Variants in UNC79 observed in about 807,000 individuals in gnomAD.
UNC79 encodes protein unc-79 homolog.
UNC79 carries 37 observed loss-of-function variants against 283.1 expected under a neutral mutation model. The observed-to-expected ratio is 0.13, with a 90% CI of 0.10 to 0.17. The LOEUF is 0.17. Among genes scored for constraint, UNC79 ranks in the 10% least tolerant of loss-of-function variants. The pLI, the probability that UNC79 is intolerant of heterozygous loss-of-function variation, is 1.00. For missense variants in UNC79, 2,272 were observed against 3,211.1 expected (o/e 0.71, Z 7.07); for synonymous variants, 1,107 against 1,200.2 (o/e 0.92, Z 1.61).
intron 22 of UNC79, among the ~76,000 whole-genome samples, chr14:93,590,514 C>T (rs1267879371): frequency 2.0e-5 from 3 of 152,224 alleles, no homozygotes; most frequent in Non-Finnish European, 2.9e-5. Context: ...CATGGGAATA[C>T]GAGATGGGCA....
chr14:93,418,256 A>C (rs2055507760), intron 1 of UNC79, among the ~76,000 whole-genome samples: 1 of 151,730 alleles, frequency 6.6e-6, no homozygotes, highest in Non-Finnish European at 1.5e-5. Flanking sequence ...CCTCAGCTGC[A>C]GGTCTGTTGG....
chr14:93,421,856 C>T (rs1356404057), intron 1 of UNC79, among the ~76,000 whole-genome samples: 1 of 150,258 alleles, frequency 6.7e-6, no homozygotes, highest in Non-Finnish European at 1.5e-5. Context: ...GTTCAACATA[C>T]ACACAAATCA....
intron 23 of UNC79, among the ~76,000 whole-genome samples, chr14:93,595,050 C>T (rs2064971861): frequency 6.6e-6 from 1 of 150,436 alleles, no homozygotes; most frequent in Admixed American, 6.6e-5. Context: ...AATCTCGGCT[C>T]TGGTTATGTT....
chr14:93,456,933 C>T (rs1219292706), intron 1 of UNC79, among the ~76,000 whole-genome samples: 14 of 152,210 alleles, frequency 9.2e-5, no homozygotes, highest in Non-Finnish European at 1.8e-4. Context: ...CTTAAGCTTT[C>T]AGCCAGACCA....
Position 93,633,516 on chromosome 14 carries a change from C to T in UNC79, c.5716+2608C>T, listed in dbSNP as rs1431786971. Among the ~76,000 whole-genome samples, 9 of 152,162 alleles carry T rather than the reference C, an allele frequency of 5.9e-5. No individual in the cohort carries two copies. The East Asian group carries it at 7.7e-4, about 13-fold the overall frequency. ...CGGTCTCTACCATCCCTTTCTAGGG[C>T]GTGTAGTTGATAGCTTCAGTTTCTG... On this transcript the variant is annotated intron_variant, in intron 31 of 48. Coordinates refer to ENST00000555664, the Ensembl canonical transcript of UNC79.
At chr14:93,546,145 A>G (rs2061592278) in intron 14 of UNC79, among the ~76,000 whole-genome samples, 1 of 152,220 alleles carries the variant, frequency 6.6e-6, no homozygotes, top group African/African-American at 2.4e-5. Context: ...GAGAAGCTGC[A>G]TATCTTGTGA....
Position 93,593,032 on chromosome 14 carries a change from G to A in UNC79, c.3033-648G>A, listed in dbSNP as rs146152954. ...CAGGCTGACATCACCCTTCATTCCT[G>A]AGATTTCAGAAGGAGAGAGAGCCTC... is the stretch of plus-strand genomic sequence containing the variant. On this transcript the variant is annotated intron_variant, in intron 22 of 48. Coordinates refer to ENST00000555664, the Ensembl canonical transcript of UNC79. 7.9e-5 allele frequency among the ~76,000 whole-genome samples: 12 copies of A among 152,310 alleles called. No individual in the cohort carries two copies. In the East Asian group the frequency reaches 2.3e-3, roughly 29 times the overall value.
chr14:93,476,082 G>A (rs183919887), intron 3 of UNC79, among the ~76,000 whole-genome samples: 26 of 151,144 alleles, frequency 1.7e-4, no homozygotes, highest in Admixed American at 1.6e-3. Flanking sequence ...GGTCCCACCC[G>A]GGGACTAGTT....
At chr14:93,609,715 A>AT (rs1168146329) in intron 26 of UNC79, among the ~76,000 whole-genome samples, 1 of 152,200 alleles carries the variant, frequency 6.6e-6, no homozygotes, top group Non-Finnish European at 1.5e-5. Flanking sequence ...AGGTTAAAAC[A>AT]TTAATATTGT....
At chr14:93,692,085 T>C (rs907028090) in intron 46 of UNC79, 139 bp downstream of exon 49, 1 of 991,780 alleles carries the variant, frequency 1.0e-6, no homozygotes, top group African/African-American at 1.6e-5. Flanking sequence ...CCTTATAAGC[T>C]GGATGTTCTG....
intron 7 of UNC79, among the ~76,000 whole-genome samples, chr14:93,523,396 A>T (rs1338898456): frequency 6.6e-6 from 1 of 152,150 alleles, no homozygotes; most frequent in Non-Finnish European, 1.5e-5. Flanking sequence ...TCCAGTCTCC[A>T]TGTTTGTTGG....
intron 30 of UNC79, 50 bp downstream of exon 32, chr14:93,622,891 T>C (rs1339272913): frequency 6.3e-6 from 10 of 1,577,676 alleles, no homozygotes; most frequent in African/African-American, 1.4e-5. Context: ...AGTTTGTGCA[T>C]CTTGTTTGAT....
intron 1 of UNC79, among the ~76,000 whole-genome samples, chr14:93,395,673 G>GT (rs532989737): frequency 7.2e-5 from 11 of 151,888 alleles, no homozygotes; most frequent in South Asian, 4.2e-4. Context: ...ATTTATTAGT[G>GT]TTTTTTTTGT....
intron 8 of UNC79, among the ~76,000 whole-genome samples, chr14:93,526,565 C>T (rs919941730): frequency 3.9e-5 from 6 of 151,974 alleles, no homozygotes; most frequent in Admixed American, 2.0e-4. Context: ...TTTTCCAAAG[C>T]CTCTACATTG....
In UNC79 at chr14:93,487,762, G is replaced by A. The variant is rs769399723; in HGVS notation, c.712+7G>A. 6.2e-7 allele frequency: 1 copy of A among 1,609,182 alleles called. No homozygotes were observed. Among genetic ancestry groups the A allele is most frequent in the Non-Finnish European group, 8.5e-7 (1 of 1,177,442 alleles). ...CAGTACACATCCAATCCAGGTAAGT[G>A]GAAATTGGAATGGTTTGACTAATTC... is the stretch of plus-strand genomic sequence containing the variant. On this transcript the variant is annotated splice_region_variant and intron_variant, in intron 5 of 48. Coordinates refer to ENST00000555664, the Ensembl canonical transcript of UNC79.
intron 40 of UNC79, among the ~76,000 whole-genome samples, chr14:93,668,338 T>C (rs1034088711): frequency 2.0e-5 from 3 of 152,146 alleles, no homozygotes; most frequent in Non-Finnish European, 4.4e-5. Context: ...ATCACCAAAT[T>C]TTAATATTCA....
Position 93,517,919 on chromosome 14 carries a change from C to CTT in UNC79, c.899-6058_899-6057insTT, listed in dbSNP as rs1555434785. On this transcript the variant is annotated intron_variant, in intron 7 of 48. Transcript: ENST00000555664. The stretch of plus-strand genomic sequence containing the variant: ...TATGTGAGTGTGTGTGTGTGTGTGT[C>CTT]TGTGTGTGTGTGTGTGTGTGTGAAA... 2.0e-5 allele frequency among the ~76,000 whole-genome samples: 3 copies of CTT among 147,738 alleles called. No homozygotes were observed. The East Asian group carries it at 5.9e-4, about 29-fold the overall frequency.
intron 20 of UNC79, among the ~76,000 whole-genome samples, chr14:93,583,431 G>T (rs1362898718): frequency 1.3e-5 from 2 of 152,234 alleles, no homozygotes; most frequent in Non-Finnish European, 2.9e-5. Context: ...GATATTATTA[G>T]GGGACTGTTT....
chr14:93,516,457 G>GC (rs1263301613), intron 7 of UNC79, among the ~76,000 whole-genome samples: 1 of 117,466 alleles, frequency 8.5e-6, no homozygotes, highest in African/African-American at 3.1e-5. Flanking sequence ...TTTTGGGGGG[G>GC]GGGGTGGGGG....
Sources: allele counts gnomAD v4.1 joint callset (sites outside exome capture counted in the v4.1 genomes callset), GRCh38; gene constraint gnomAD v4.1.1; transcripts MANE v1.5; gene names NCBI Gene and HGNC (gene_info 2026-07-23, HGNC 2026-07-21).